Variants in TDRD7 observed in about 807,000 individuals in gnomAD.
TDRD7 encodes the protein tudor domain containing 7.
A neutral mutation model predicts 109.8 loss-of-function variants in TDRD7; 47 were observed. That is an observed-to-expected ratio of 0.43 (90% CI 0.34 to 0.55). The LOEUF is 0.55. Among genes scored for constraint, TDRD7 ranks in the 20% least tolerant of loss-of-function variants. The pLI, the probability that TDRD7 is intolerant of heterozygous loss-of-function variation, is 0.03. For missense variants in TDRD7, 1,164 were observed against 1,319.2 expected, an observed-to-expected ratio of 0.88 and a Z score of 1.82; for synonymous variants, 424 against 457.3, an observed-to-expected ratio of 0.93 and a Z score of 0.93.
Position 97,483,039 on chromosome 9 carries a change from C to T in TDRD7, c.2603C>T (p.Pro868Leu), listed in dbSNP as rs764446051. Reference protein sequence around the residue: ...DSPNSKNGNMPMSGNTGENFR... With the variant: ...DSPNSKNGNMLMSGNTGENFR... The stretch of plus-strand genomic sequence containing the variant: ...CCCAACAGCAAAAATGGCAACATGC[C>T]CATGTCGGGCAACACTGGAGAGAAT... Residue 868 changes from proline (P) to leucine (L), a missense_variant, in exon 15 of 17, where the codon CCC (proline) becomes CTC (leucine). Pro to Leu is a moderately conservative substitution (Grantham distance 98). Coordinates refer to ENST00000355295, the MANE Select transcript of TDRD7 (RefSeq NM_014290.3). The T allele has an allele frequency of 1.2e-6, 2 of 1,614,166 alleles. No homozygotes were observed. Among genetic ancestry groups the T allele is most frequent in the Admixed American group, 3.3e-5 (2 of 59,998 alleles).
At chr9:97,437,124 C>T (rs4743092) in intron 4 of TDRD7, among the ~76,000 whole-genome samples, 5 of 152,106 alleles carry the variant, frequency 3.3e-5, no homozygotes, top group Middle Eastern at 3.4e-3. Context: ...TACAGATTAC[C>T]CCAAAGTTAT....
At chr9:97,437,703 T>C (rs1006698046) in intron 4 of TDRD7, among the ~76,000 whole-genome samples, 1 of 152,172 alleles carries the variant, frequency 6.6e-6, no homozygotes, top group Non-Finnish European at 1.5e-5. Context: ...ACAGTTACTG[T>C]CTGACATAAT....
chr9:97,457,474 G>A (rs1828639096), intron 6 of TDRD7, among the ~76,000 whole-genome samples: 1 of 152,050 alleles, frequency 6.6e-6, no homozygotes. Flanking sequence ...TGCCTCCCGG[G>A]TTCAAGTGAT....
At chr9:97,423,515 A>G (rs1364496473) in intron 1 of TDRD7, among the ~76,000 whole-genome samples, 1 of 151,492 alleles carries the variant, frequency 6.6e-6, no homozygotes, top group Non-Finnish European at 1.5e-5. Flanking sequence ...GATCTGTTTC[A>G]TCATTTCAGA....
chr9:97,432,220 C>G lies in TDRD7; in HGVS notation c.545C>G (p.Thr182Ser). The change falls in exon 4 of 17, where the codon ACC becomes AGC. Residue 182 changes from threonine to serine, a missense_variant. By Grantham distance (58) the Thr-to-Ser change is moderately conservative. Coordinates refer to ENST00000355295, the MANE Select transcript of TDRD7 (RefSeq NM_014290.3). Reference sequence around the variant, plus strand: ...GACATTCCAGTGCAAAGGCATGTGACCATGTCCACCAACAACAGGTATTTG... The same window carrying G: ...GACATTCCAGTGCAAAGGCATGTGAGCATGTCCACCAACAACAGGTATTTG... ...FKDIPVQRHV[T>S]MSTNNRFSPK... 2 of 1,613,658 alleles carry G rather than the reference C, an allele frequency of 1.2e-6. No homozygotes were observed. Among genetic ancestry groups the G allele is most frequent in the Non-Finnish European group, 1.7e-6 (2 of 1,179,668 alleles).
intron 6 of TDRD7, among the ~76,000 whole-genome samples, chr9:97,453,808 A>G (rs1828551972): frequency 6.6e-6 from 1 of 152,220 alleles, no homozygotes; most frequent in South Asian, 2.1e-4. Flanking sequence ...AAAGAAGGGC[A>G]TTACATAATA....
At position 97,473,771 on chromosome 9, in the gene TDRD7, A is replaced by G; in HGVS notation, c.2079+145A>G. 8.4e-6 allele frequency: 9 copies of G among 1,066,866 alleles called. No homozygotes were observed. The South Asian group carries it at 1.3e-4, about 15-fold the overall frequency. 66.1% of individuals were successfully genotyped at this position (1,066,866 alleles called of 1,614,324 possible). On this transcript the variant is annotated intron_variant, in intron 11 of 16. Coordinates refer to ENST00000355295, the MANE Select transcript of TDRD7 (RefSeq NM_014290.3). Reference sequence around the variant, plus strand: ...ATGGAATCTCTAGAATAGTAGGTAAAGAGCTCCAGACTTCAGAGCTTTAAA... The same window carrying G: ...ATGGAATCTCTAGAATAGTAGGTAAGGAGCTCCAGACTTCAGAGCTTTAAA...
At chr9:97,438,605 T>C (rs1188350655) in intron 4 of TDRD7, among the ~76,000 whole-genome samples, 2 of 152,232 alleles carry the variant, frequency 1.3e-5, no homozygotes, top group Non-Finnish European at 2.9e-5. Flanking sequence ...TTTATTTATG[T>C]GTCTTCATAT....
rs960352420 is a variant in TDRD7, at chr9:97,460,402, A to G, written c.1080A>G (p.Ala360=). 3.7e-6 allele frequency: 6 copies of G among 1,614,112 alleles called. No homozygotes were observed. In the African/African-American group the frequency reaches 8.0e-5, roughly 22 times the overall value. ...ACACAAGTGGCCTTTGGGCCAGTGC[A>G]CTTCCGAAAGCATTTGAGGAAATGT... is the stretch of plus-strand genomic sequence containing the variant. ...VKYTSGLWAS[A]LPKAFEEMYK... The change falls in exon 7 of 17, where the codon GCA becomes GCG. Residue 360 remains alanine (A), a synonymous_variant. Coordinates refer to ENST00000355295, the MANE Select transcript of TDRD7 (RefSeq NM_014290.3).
intron 15 of TDRD7, among the ~76,000 whole-genome samples, chr9:97,486,611 G>C (rs1290049669): frequency 1.3e-5 from 2 of 152,070 alleles, no homozygotes; most frequent in African/African-American, 4.8e-5. Context: ...TGCCTTCCTA[G>C]TCTGACTTCT....
At chr9:97,467,830 C>A (rs536747929) in intron 8 of TDRD7, among the ~76,000 whole-genome samples, 1 of 152,232 alleles carries the variant, frequency 6.6e-6, no homozygotes, top group South Asian at 2.1e-4. Flanking sequence ...AGCCAGCTAC[C>A]TTGTAACCTG....
intron 6 of TDRD7, among the ~76,000 whole-genome samples, chr9:97,448,891 A>C (rs1433163984): frequency 1.3e-5 from 2 of 152,224 alleles, no homozygotes; most frequent in Admixed American, 6.5e-5. Context: ...AACCCTAAAG[A>C]ATATTCTAAT....
chr9:97,488,900 C>A (rs1829257502), intron 16 of TDRD7, among the ~76,000 whole-genome samples: 1 of 152,154 alleles, frequency 6.6e-6, no homozygotes. Flanking sequence ...TGAAATGTAT[C>A]CTTTGACCCA....
intron 11 of TDRD7, among the ~76,000 whole-genome samples, chr9:97,473,879 T>A (rs1383845100): frequency 6.6e-6 from 1 of 152,216 alleles, no homozygotes; most frequent in African/African-American, 2.4e-5. Context: ...GAGGACACTG[T>A]GCCTGGCATG....
chr9:97,444,334 G>A (rs1828362272), intron 6 of TDRD7, among the ~76,000 whole-genome samples: 1 of 152,178 alleles, frequency 6.6e-6, no homozygotes, highest in Admixed American at 6.5e-5. Flanking sequence ...TGGGATGCCA[G>A]AAAACACCAA....
intron 1 of TDRD7, among the ~76,000 whole-genome samples, chr9:97,421,175 G>A (rs1434395622): frequency 6.6e-6 from 1 of 151,592 alleles, no homozygotes; most frequent in Non-Finnish European, 1.5e-5. Flanking sequence ...TATTTTTCAA[G>A]GTACTATTTT....
chr9:97,455,389 C>G (rs2118457333), intron 6 of TDRD7, among the ~76,000 whole-genome samples: 1 of 152,236 alleles, frequency 6.6e-6, no homozygotes, highest in Middle Eastern at 3.4e-3. Context: ...AAACTTCAGC[C>G]AATATCCCTG....
rs139842049 is a variant in TDRD7 at position 97,490,158 on chromosome 9, C to A, written c.3076+2826C>A. 1.4e-4 allele frequency among the ~76,000 whole-genome samples: 22 copies of A among 152,282 alleles called. 1 individual carries two copies. The East Asian group carries it at 4.2e-3, about 29-fold the overall frequency. On this transcript the variant is annotated intron_variant, in intron 16 of 16. Transcript: ENST00000355295. ...TTTACTTTACCTTCACTTATTCATT[C>A]TCTGATTTTCTTTATGTCGATATTA...
chr9:97,429,204 A>G (rs1037293423), intron 2 of TDRD7, among the ~76,000 whole-genome samples: 2 of 152,132 alleles, frequency 1.3e-5, no homozygotes, highest in African/African-American at 4.8e-5. Context: ...TGATCATATC[A>G]TTATACCGTT....
Sources: allele counts gnomAD v4.1 joint callset (sites outside exome capture counted in the v4.1 genomes callset), GRCh38; gene constraint gnomAD v4.1.1; transcripts MANE v1.5; gene names NCBI Gene and HGNC (gene_info 2026-07-23, HGNC 2026-07-21).